EPHX2: variants seen among roughly 807,000 people sequenced by gnomAD.
The protein encoded by EPHX2 is epoxide hydrolase 2.
In EPHX2, 74 loss-of-function variants were observed where a neutral mutation model predicts 78.7. The observed-to-expected ratio is 0.94, with a 90% CI of 0.78 to 1.14. EPHX2 has a LOEUF of 1.14. EPHX2 is among the 50% of genes most tolerant of loss of function. The probability of loss-of-function intolerance (pLI) is 0.00; values close to 1 mark genes in which losing one functional copy is unlikely to be tolerated. For synonymous variants in EPHX2, 251 were observed against 255.2 expected (o/e 0.98, Z 0.16); for missense variants, 715 against 702.5 (o/e 1.02, Z -0.20).
At chr8:27,502,702 G>T (rs1203387090) in intron 2 of EPHX2, among the ~76,000 whole-genome samples, 1 of 152,152 alleles carries the variant, frequency 6.6e-6, no homozygotes. Context: ...TTCTCCCTGT[G>T]TCCTCACATG....
chr8:27,535,736 C>T (rs1585220041), intron 12 of EPHX2, among the ~76,000 whole-genome samples: 2 of 152,126 alleles, frequency 1.3e-5, no homozygotes, highest in Non-Finnish European at 2.9e-5. Context: ...TGCTGAAGTG[C>T]TCCTGGAGAG....
chr8:27,530,947 G>C (rs1815019849), intron 12 of EPHX2, among the ~76,000 whole-genome samples: 1 of 151,668 alleles, frequency 6.6e-6, no homozygotes, highest in African/African-American at 2.4e-5. Flanking sequence ...ATTTTTAGTA[G>C]AGATGGGGTT....
intron 2 of EPHX2, among the ~76,000 whole-genome samples, chr8:27,501,396 T>TTC (rs1563340511): frequency 7.7e-6 from 1 of 129,154 alleles, no homozygotes; most frequent in African/African-American, 2.9e-5. Flanking sequence ...TCTTCTTCTT[T>TTC]CTTCTTTCTT....
intron 6 of EPHX2, among the ~76,000 whole-genome samples, chr8:27,514,037 G>A (rs574033145): frequency 8.5e-5 from 13 of 152,322 alleles, no homozygotes; most frequent in African/African-American, 2.4e-4. Context: ...TTTCTGTGGG[G>A]CCAGGTGTGG....
Position 27,516,400 on chromosome 8 carries a change from T to A in EPHX2, c.910+2T>A. On this transcript the variant is annotated splice_donor_variant, in intron 8 of 18. Transcript: ENST00000521400. LOFTEE classifies it high-confidence loss of function. The stretch of plus-strand genomic sequence containing the variant: ...ATGGAGAGTCATCTGCTCCTCCCGG[T>A]GGGTGTGCTGTCTTGCAGCTGTCTT... 1 of 1,613,854 alleles carries A rather than the reference T, an allele frequency of 6.2e-7. No individual in the cohort carries two copies. The highest frequency in any genetic ancestry group is 8.5e-7 in the Non-Finnish European group (1 of 1,179,784).
chr8:27,519,095 T>C (rs1349668778), intron 9 of EPHX2, among the ~76,000 whole-genome samples: 4 of 152,210 alleles, frequency 2.6e-5, no homozygotes, highest in Non-Finnish European at 5.9e-5. Flanking sequence ...TGAAAAATCA[T>C]GAGTACATCC....
chr8:27,515,418 T>G, intron 6 of EPHX2: 1 of 359,904 alleles, frequency 2.8e-6, no homozygotes, highest in Non-Finnish European at 5.2e-6. Flanking sequence ...ACTGTGAGAG[T>G]ATGGGGGCCT....
intron 5 of EPHX2, among the ~76,000 whole-genome samples, chr8:27,507,518 G>A (rs961449698): frequency 2.0e-5 from 3 of 152,150 alleles, no homozygotes; most frequent in Non-Finnish European, 4.4e-5. Flanking sequence ...CTTTTTTGGG[G>A]TTGACCTGAG....
chr8:27,495,531 G>T (rs1368806590), intron 1 of EPHX2, among the ~76,000 whole-genome samples: 1 of 152,200 alleles, frequency 6.6e-6, no homozygotes. Flanking sequence ...GAGAAAAGTG[G>T]CAGGGTTCAG....
chr8:27,528,211 TG>T (rs1486329582), intron 12 of EPHX2, among the ~76,000 whole-genome samples: 1 of 152,212 alleles, frequency 6.6e-6, no homozygotes, highest in Non-Finnish European at 1.5e-5. Context: ...ACCTCTATTC[TG>T]TTGTAGCAGC....
chr8:27,508,946 CTTTTTTTTTTT>C (rs34748947), intron 5 of EPHX2, among the ~76,000 whole-genome samples: 1 of 64,406 alleles, frequency 1.6e-5, no homozygotes, highest in African/African-American at 7.7e-5. Flanking sequence ...CCCCATCCTG[CTTTTTTTTTTT>C]TTTTTTTTTT....
At chr8:27,499,974 C>T (rs1347316532) in intron 1 of EPHX2, among the ~76,000 whole-genome samples, 1 of 152,122 alleles carries the variant, frequency 6.6e-6, no homozygotes, top group Non-Finnish European at 1.5e-5. Flanking sequence ...TCTTAAAGAC[C>T]CACTCTCCAA....
intron 2 of EPHX2, among the ~76,000 whole-genome samples, chr8:27,502,642 C>T (rs1319217201): frequency 6.6e-5 from 10 of 152,146 alleles, no homozygotes; most frequent in Admixed American, 2.0e-4. Flanking sequence ...TGTATCCTCA[C>T]ATGGTAGAAA....
In EPHX2 at chr8:27,520,883, G is replaced by GT. The variant is rs1242610506; in HGVS notation, c.946_947insT (p.Glu316ValfsTer8). 6.2e-7 allele frequency: 1 copy of GT among 1,614,186 alleles called. No homozygotes were observed. Among genetic ancestry groups the GT allele is most frequent in the Admixed American group, 1.7e-5 (1 of 60,022 alleles). On this transcript the variant is annotated frameshift_variant and splice_region_variant, in exon 10 of 19. Coordinates refer to ENST00000521400, the MANE Select transcript of EPHX2 (RefSeq NM_001979.6). LOFTEE classifies it high-confidence loss of function. ...TGCCTGTGTGTGTCTTCTTCCTTAG[G>GT]AGATGGTAACCTTCCTGGATAAACT...
intron 1 of EPHX2, 61 bp downstream of exon 1, chr8:27,491,370 GGCTTGCAGCCCA>G (rs1813372428): frequency 8.0e-7 from 1 of 1,256,468 alleles, no homozygotes; most frequent in Non-Finnish European, 1.0e-6. Flanking sequence ...GACCGCGCTG[GGCTTGCAGCCCA>G]GCTTTCAGAT....
rs142462046 is a variant in EPHX2, at chr8:27,513,566, C to T, written c.735+1656C>T. On this transcript the variant is annotated intron_variant, in intron 6 of 18. Transcript: ENST00000521400. ...GTGAATTTCTGGGGAGTCCCAGCTG[C>T]GCCAGGCTCTCAGGGGGCTGTTGTA... Among the ~76,000 whole-genome samples, 30 of 152,292 alleles carry T rather than the reference C, an allele frequency of 2.0e-4. No individual in the cohort carries two copies. In the East Asian group the frequency reaches 3.7e-3, roughly 19 times the overall value.
chr8:27,501,124 C>T, intron 2 of EPHX2, 114 bp downstream of exon 2: 2 of 834,304 alleles, frequency 2.4e-6, no homozygotes, highest in Non-Finnish European at 3.8e-6. Flanking sequence ...TCTGTGAAGA[C>T]AAATGTTGTT....
intron 8 of EPHX2, among the ~76,000 whole-genome samples, chr8:27,517,837 A>G (rs1814514334): frequency 6.6e-6 from 1 of 152,246 alleles, no homozygotes; most frequent in Non-Finnish European, 1.5e-5. Context: ...GATTTCACAG[A>G]TGGATATGAC....
chr8:27,526,788 C>T (rs753609101), intron 12 of EPHX2, among the ~76,000 whole-genome samples: 12 of 152,060 alleles, frequency 7.9e-5, no homozygotes, highest in Non-Finnish European at 4.4e-5. Context: ...CTCACTCTGT[C>T]ACTCAGGCTG....
Sources: allele counts gnomAD v4.1 joint callset (sites outside exome capture counted in the v4.1 genomes callset), GRCh38; gene constraint gnomAD v4.1.1; transcripts MANE v1.5; gene names NCBI Gene and HGNC (gene_info 2026-07-23, HGNC 2026-07-21).